INO80: variants seen among roughly 807,000 people sequenced by gnomAD.
The protein encoded by INO80 is chromatin-remodeling ATPase INO80.
Under a neutral mutation model 203.4 loss-of-function variants are expected in INO80, and 20 were observed. That is an observed-to-expected ratio of 0.10 (90% CI 0.07 to 0.14). The LOEUF (loss-of-function observed/expected upper bound fraction) is 0.14, where lower values mean the gene tolerates loss of function less well. Ranked by LOEUF, INO80 falls within the 10% of genes least tolerant of loss-of-function variation. The pLI, the probability that INO80 is intolerant of heterozygous loss-of-function variation, is 1.00. For synonymous variants in INO80, 726 were observed against 685.2 expected, an observed-to-expected ratio of 1.06 and a Z score of -0.93; for missense variants, 1,419 against 1,914.4, an observed-to-expected ratio of 0.74 and a Z score of 4.83.
Position 41,096,338 on chromosome 15 carries a change from A to C in INO80, c.-28T>G. On this transcript the variant is annotated 5_prime_UTR_variant, in exon 2 of 36. Transcript: ENST00000648947. ...AACAAATCTGTCTTCATGCACAAGG[A>C]CCTCCGACTGCACGGCTGCAGAACA... 1 of 1,541,716 alleles carries C rather than the reference A, an allele frequency of 6.5e-7. No homozygotes were observed. The highest frequency in any genetic ancestry group is 8.7e-7 in the Non-Finnish European group (1 of 1,150,208).
At chr15:41,088,737 G>C (rs1415902117) in intron 5 of INO80, among the ~76,000 whole-genome samples, 1 of 152,200 alleles carries the variant, frequency 6.6e-6, no homozygotes, top group Non-Finnish European at 1.5e-5. Context: ...TAAATTGTCT[G>C]AGGACTGAAA....
intron 14 of INO80, among the ~76,000 whole-genome samples, chr15:41,063,693 C>T (rs193046092): frequency 2.0e-5 from 3 of 152,010 alleles, no homozygotes; most frequent in Non-Finnish European, 4.4e-5. Context: ...ATTGCTTGAA[C>T]CCTGGAGACG....
intron 23 of INO80, 90 bp from the exon 24 acceptor site, chr15:41,045,165 T>C: frequency 2.1e-6 from 2 of 933,286 alleles, no homozygotes; most frequent in Non-Finnish European, 3.1e-6. Flanking sequence ...CTCATTAACA[T>C]AACTCTTTTG....
At chr15:41,041,428 G>A (rs1211918587) in intron 24 of INO80, among the ~76,000 whole-genome samples, 1 of 149,116 alleles carries the variant, frequency 6.7e-6, no homozygotes, top group African/African-American at 2.5e-5. Context: ...GGAGCTTCTA[G>A]TTCTTTTTTT....
intron 14 of INO80, among the ~76,000 whole-genome samples, chr15:41,062,914 A>T (rs1034486822): frequency 2.0e-5 from 3 of 152,228 alleles, no homozygotes; most frequent in Non-Finnish European, 4.4e-5. Flanking sequence ...ACTAAGACAA[A>T]TAATAAGCTA....
chr15:41,085,003 C>A (rs115295180), intron 7 of INO80, among the ~76,000 whole-genome samples: 4,444 of 152,302 alleles, frequency 0.029, 210 homozygotes, highest in African/African-American at 0.1. Flanking sequence ...TCCCAAAGTG[C>A]TGGGATTACA....
At chr15:40,996,997 C>T (rs1305703486) in intron 29 of INO80, among the ~76,000 whole-genome samples, 7 of 152,138 alleles carry the variant, frequency 4.6e-5, no homozygotes, top group Admixed American at 4.6e-4. Flanking sequence ...CTTATTCAGG[C>T]GAGGTGCAGT....
At chr15:41,074,978 C>T (rs2045381275) in intron 9 of INO80, among the ~76,000 whole-genome samples, 1 of 152,012 alleles carries the variant, frequency 6.6e-6, no homozygotes. Context: ...CTGAGGTGAT[C>T]CACTGGCTTC....
At chr15:40,982,057 C>A (rs1023259001) in intron 35 of INO80, among the ~76,000 whole-genome samples, 1 of 152,218 alleles carries the variant, frequency 6.6e-6, no homozygotes. Flanking sequence ...TGTATTTTGC[C>A]GTGGATTGCT....
intron 7 of INO80, among the ~76,000 whole-genome samples, chr15:41,084,259 A>T (rs2045527192): frequency 6.6e-6 from 1 of 151,742 alleles, no homozygotes; most frequent in African/African-American, 2.4e-5. Context: ...TTGAAATTAT[A>T]TCAAAATAAC....
chr15:41,046,596 A>G (rs1170816560), intron 23 of INO80, among the ~76,000 whole-genome samples: 2 of 151,792 alleles, frequency 1.3e-5, no homozygotes, highest in Non-Finnish European at 2.9e-5. Flanking sequence ...TCACTTATGA[A>G]TAACAAATTA....
Position 40,984,279 on chromosome 15 carries a change from G to A in INO80, c.3995C>T (p.Ser1332Leu), listed in dbSNP as rs142469845. The A allele has an allele frequency of 1.2e-4, 190 of 1,614,054 alleles. No individual in the cohort carries two copies. The East Asian group carries it at 1.7e-3, about 15-fold the overall frequency. The change falls in exon 33 of 36, where the codon TCG becomes TTG. Residue 1332 changes from serine (S) to leucine (L), a missense_variant. Coordinates refer to ENST00000648947, the MANE Select transcript of INO80 (RefSeq NM_017553.3). The stretch of plus-strand genomic sequence containing the variant: ...AGCAGAGAGGTTGGAGTTATCAGCC[G>A]AGGGAACAAATGGGATCACCAGGTT... ...GVNLVIPFVP[S>L]ADNSNLSADG...
chr15:41,086,007 G>A (rs1393510518), intron 6 of INO80, among the ~76,000 whole-genome samples: 6 of 152,090 alleles, frequency 3.9e-5, no homozygotes, highest in Admixed American at 2.6e-4. Context: ...CTACAGGCGC[G>A]TGGCAAGAAC....
At chr15:41,015,959 A>AAT in intron 27 of INO80, 129 bp downstream of exon 27, 1 of 704,868 alleles carries the variant, frequency 1.4e-6, no homozygotes. Flanking sequence ...AAAAAAAAAA[A>AAT]GGAAAAAGAA....
At chr15:41,109,568 G>C (rs567068417) in intron 1 of INO80, among the ~76,000 whole-genome samples, 2 of 151,130 alleles carry the variant, frequency 1.3e-5, no homozygotes. Flanking sequence ...AGGCTGAGGC[G>C]GGTGGATCAC....
chr15:41,073,874 T>C (rs1206848262), intron 10 of INO80, among the ~76,000 whole-genome samples: 3 of 152,188 alleles, frequency 2.0e-5, no homozygotes, highest in African/African-American at 7.2e-5. Context: ...AACCCCAAGA[T>C]ACTATAAAGC....
chr15:41,110,728 T>C (rs2045947539), intron 1 of INO80, among the ~76,000 whole-genome samples: 1 of 152,142 alleles, frequency 6.6e-6, no homozygotes, highest in Non-Finnish European at 1.5e-5. Context: ...ACCATGAAGG[T>C]CTTGGTTTTT....
chr15:41,068,870 C>G (rs570962952), intron 14 of INO80, among the ~76,000 whole-genome samples: 3 of 151,598 alleles, frequency 2.0e-5, no homozygotes, highest in Non-Finnish European at 4.4e-5. Flanking sequence ...AAAACAAAAA[C>G]AAAAACAAGA....
chr15:41,007,866 A>G (rs1256508484), intron 27 of INO80, among the ~76,000 whole-genome samples: 3 of 152,106 alleles, frequency 2.0e-5, no homozygotes, highest in East Asian at 3.8e-4. Context: ...CCTAAAAGAC[A>G]AAGGTTGGGG....
Sources: allele counts gnomAD v4.1 joint callset (sites outside exome capture counted in the v4.1 genomes callset), GRCh38; gene constraint gnomAD v4.1.1; transcripts MANE v1.5; gene names NCBI Gene and HGNC (gene_info 2026-07-23, HGNC 2026-07-21).